Variants in MCM4 observed in about 807,000 individuals in gnomAD.
MCM4 encodes the protein DNA replication licensing factor MCM4.
In MCM4, 60 loss-of-function variants were observed where a neutral mutation model predicts 88.7. The ratio of observed to expected loss-of-function variants is 0.68; its 90% CI spans 0.55 to 0.84. MCM4 has a LOEUF of 0.84. Among genes scored for constraint, MCM4 ranks in the 40% least tolerant of loss-of-function variants. The pLI, the probability that MCM4 is intolerant of heterozygous loss-of-function variation, is 0.00. For missense variants in MCM4, 1,149 were observed against 1,105.5 expected (o/e 1.04, Z -0.56); for synonymous variants, 465 against 410.5 (o/e 1.13, Z -1.61).
intron 16 of MCM4, 62 bp downstream of exon 16, chr8:47,975,910 T>G: frequency 5.6e-6 from 7 of 1,249,260 alleles, no homozygotes; most frequent in Non-Finnish European, 7.4e-6. Flanking sequence ...ATATTGCTTT[T>G]GGGTTTTTTT....
Position 47,964,590 on chromosome 8 carries a change from T to A in MCM4, c.710T>A (p.Phe237Tyr), listed in dbSNP as rs1298972920. 1.3e-6 allele frequency: 2 copies of A among 1,594,974 alleles called. No individual in the cohort carries two copies. The highest frequency in any genetic ancestry group is 1.7e-6 in the Non-Finnish European group (2 of 1,175,152). ...TTTTTACAGGAAGTTATTCCAACTT[T>A]TGACATGGCTGTCAATGAAATCTTC... ...ISYPQEVIPT[F>Y]DMAVNEIFFD... Residue 237 changes from phenylalanine (F) to tyrosine (Y), a missense_variant, in exon 8 of 17, where the codon TTT (phenylalanine) becomes TAT (tyrosine). Transcript: ENST00000649973.
rs17287598 is a variant in MCM4, at chr8:47,965,145, G to T, written c.832+433G>T. 2.9e-3 allele frequency among the ~76,000 whole-genome samples: 440 copies of T among 152,174 alleles called. 2 individuals are homozygous for T. Among genetic ancestry groups the T allele is most frequent in the African/African-American group, 0.01 (431 of 41,484 alleles). On this transcript the variant is annotated intron_variant, in intron 8 of 16. Coordinates refer to ENST00000649973, the MANE Select transcript of MCM4 (RefSeq NM_182746.3). ...CAGGAGAAACGCTTGAACCCGGGAG[G>T]CGGAGGTTGCACTGAGCAGAGGCTG...
At chr8:47,975,188 T>G (rs1472523450) in intron 15 of MCM4, 2 of 452,284 alleles carry the variant, frequency 4.4e-6, no homozygotes, top group Non-Finnish European at 7.9e-6. Context: ...TTTTGTTTTT[T>G]TTTTTTATAC....
Position 47,970,632 on chromosome 8 carries a change from TG to T in MCM4, c.1557del (p.Leu520CysfsTer28), listed in dbSNP as rs1563834379. The T allele has an allele frequency of 6.2e-7, 1 of 1,614,154 alleles. No homozygotes were observed. The highest frequency in any genetic ancestry group is 1.7e-5 in the Admixed American group (1 of 60,012). ...CGDPGTSKSQ[L>X]LQYVYNLVPR... The stretch of plus-strand genomic sequence containing the variant: ...GACCCTGGTACCAGCAAGTCCCAGC[TG>T]CTGCAGTACGTGTACAACCTCGTCC... On this transcript the variant is annotated frameshift_variant, in exon 12 of 17. Coordinates refer to ENST00000649973, the MANE Select transcript of MCM4 (RefSeq NM_182746.3). LOFTEE classifies it high-confidence loss of function.
At chr8:47,976,008 A>G (rs1455055533) in intron 16 of MCM4, among the ~76,000 whole-genome samples, 160 bp downstream of exon 16, 1 of 152,158 alleles carries the variant, frequency 6.6e-6, no homozygotes, top group African/African-American at 2.4e-5. Context: ...TCACAATTAA[A>G]ATTTTTGGCT....
chr8:47,970,988 G>C (rs2090948669), intron 12 of MCM4, 112 bp downstream of exon 12: 1 of 1,281,064 alleles, frequency 7.8e-7, no homozygotes, highest in Non-Finnish European at 1.1e-6. Context: ...TGGGGAGATT[G>C]ATAAGTGCTT....
rs1252588219 is a variant in MCM4, at chr8:47,971,333, T to C, written c.1801-8T>C. ...AGAGGCTTCTAACTGCACTCTTTGC[T>C]CTGATAGGCTGGGATCATCTGTCAG... On this transcript the variant is annotated splice_region_variant and splice_polypyrimidine_tract_variant and intron_variant, in intron 12 of 16. Coordinates refer to ENST00000649973, the MANE Select transcript of MCM4 (RefSeq NM_182746.3). The C allele has an allele frequency of 6.2e-7, 1 of 1,614,128 alleles. No homozygotes were observed. Among genetic ancestry groups the C allele is most frequent in the Non-Finnish European group, 8.5e-7 (1 of 1,180,010 alleles).
chr8:47,974,563 G>A (rs146759506), intron 14 of MCM4, 171 bp from the exon 15 acceptor site: 7 of 629,228 alleles, frequency 1.1e-5, no homozygotes, highest in African/African-American at 3.6e-5. Context: ...CTTCACCTGC[G>A]ATTTCTGTGG....
In MCM4 at chr8:47,976,642, G is replaced by T. The variant is rs373446724; in HGVS notation, c.2500-44G>T. 47 of 1,340,326 alleles carry T rather than the reference G, an allele frequency of 3.5e-5. No individual in the cohort carries two copies. In the African/African-American group the frequency reaches 5.6e-4, roughly 16 times the overall value. The allele number at this position is 1,340,326 out of a possible 1,614,324, so 83.0% of individuals were successfully genotyped here. A position where few individuals can be genotyped will look rare whatever the true frequency, so the allele number is the denominator to read the frequency against. On this transcript the variant is annotated intron_variant, in intron 16 of 16. Coordinates refer to ENST00000649973, the MANE Select transcript of MCM4 (RefSeq NM_182746.3). Reference sequence around the variant, plus strand: ...ATTGTGTTTCTAACAGGTAAAGGAGGGACTTGACGTGTACAATATTTATTT... The same window carrying T: ...ATTGTGTTTCTAACAGGTAAAGGAGTGACTTGACGTGTACAATATTTATTT...
rs754456119 is a variant in MCM4, at chr8:47,962,112, G to T, written c.295G>T (p.Val99Leu). The T allele has an allele frequency of 6.2e-7, 1 of 1,614,064 alleles. No homozygotes were observed. Among genetic ancestry groups the T allele is most frequent in the Non-Finnish European group, 8.5e-7 (1 of 1,180,038 alleles). ...PLTYGTPSSR[V>L]EGTPRSGVRG... Reference sequence around the variant, plus strand: ...GACATACGGCACTCCCAGCTCTCGGGTAGAGGGAACCCCAAGAAGTGGTGT... The same window carrying T: ...GACATACGGCACTCCCAGCTCTCGGTTAGAGGGAACCCCAAGAAGTGGTGT... The change falls in exon 4 of 17, where the codon GTA (valine) becomes TTA (leucine). Residue 99 changes from valine (V) to leucine (L), a missense_variant. Coordinates refer to ENST00000649973, the MANE Select transcript of MCM4 (RefSeq NM_182746.3).
Position 47,971,364 on chromosome 8 carries a change from T to G in MCM4, c.1824T>G (p.Asn608Lys). ...AGGCTGGGATCATCTGTCAGCTCAA[T>G]GCGCGCACCTCTGTCCTGGCAGCAG... is the stretch of plus-strand genomic sequence containing the variant. ...IAKAGIICQL[N>K]ARTSVLAAAN... Residue 608 changes from asparagine (N) to lysine (K), a missense_variant, in exon 13 of 17, where the codon AAT becomes AAG. Transcript: ENST00000649973. 1 of 1,614,136 alleles carries G rather than the reference T, an allele frequency of 6.2e-7. No homozygotes were observed. Among genetic ancestry groups the G allele is most frequent in the Non-Finnish European group, 8.5e-7 (1 of 1,180,028 alleles).
rs762352509 is a variant in MCM4 at position 47,974,791 on chromosome 8, C to G, written c.2194C>G (p.Arg732Gly). Residue 732 changes from arginine (R) to glycine (G), a missense_variant, in exon 15 of 17, where the codon CGA becomes GGA. Physicochemically the swap from Arg to Gly is moderately radical, Grantham distance 125. Around this residue, in one of 3 missense-constraint regions of MCM4, gnomAD observed 238 missense variants for 241.6 expected, o/e 0.99. Transcript: ENST00000649973. ...CCGGGGAATGGTTTCTGCATACCCT[C>G]GACAGCTAGAGTCATTAATCCGCTT... ...SSRGMVSAYPRQLESLIRLAE... is the reference protein window; with the variant it reads ...SSRGMVSAYPGQLESLIRLAE... 2 of 1,614,194 alleles carry G rather than the reference C, an allele frequency of 1.2e-6. No homozygotes were observed. Among genetic ancestry groups the G allele is most frequent in the Non-Finnish European group, 8.5e-7 (1 of 1,180,038 alleles).
rs146759506 is a variant in MCM4, at chr8:47,974,563, G to C, written c.2137-171G>C. On this transcript the variant is annotated intron_variant, in intron 14 of 16. Transcript: ENST00000649973. ...GCTGCACGTTGATGTCTTCACCTGC[G>C]ATTTCTGTGGTCTGTCTGTGTAGTC... 514 of 629,346 alleles carry C rather than the reference G, an allele frequency of 8.2e-4. 1 individual carries two copies. Among genetic ancestry groups the C allele is most frequent in the Non-Finnish European group, 1.3e-3 (470 of 348,788 alleles). The allele number at this position is 629,346 out of a possible 1,614,324, so 39.0% of individuals were successfully genotyped here.
intron 14 of MCM4, 91 bp from the exon 15 acceptor site, chr8:47,974,643 A>T: frequency 1.0e-6 from 1 of 962,126 alleles, no homozygotes; most frequent in Non-Finnish European, 1.6e-6. Flanking sequence ...CCGTTTACTT[A>T]ATGGAAGCCT....
chr8:47,970,159 G>T, intron 11 of MCM4, 102 bp downstream of exon 11: 2 of 1,372,116 alleles, frequency 1.5e-6, no homozygotes, highest in Non-Finnish European at 2.0e-6. Context: ...ATAAAGGACA[G>T]AGTTGTGGCC....
At chr8:47,972,569 T>G (rs1053706447) in intron 13 of MCM4, among the ~76,000 whole-genome samples, 2 of 152,172 alleles carry the variant, frequency 1.3e-5, no homozygotes, top group African/African-American at 4.8e-5. Context: ...TTTTGTTTGT[T>G]TTTTTGAGAC....
At chr8:47,971,241 G>T in intron 12 of MCM4, 100 bp from the exon 13 acceptor site, 1 of 1,399,032 alleles carries the variant, frequency 7.1e-7, no homozygotes, top group East Asian at 2.3e-5. Context: ...TAGAAACTCA[G>T]TGGAGGGAAT....
At chr8:47,966,428 C>G (rs778792632) in intron 9 of MCM4, 21 bp downstream of exon 9, 32 of 1,586,388 alleles carry the variant, frequency 2.0e-5, no homozygotes, top group Non-Finnish European at 2.7e-5. Flanking sequence ...ACCCTGGCCC[C>G]CCAGGCTATG....
chr8:47,970,381 C>G, intron 11 of MCM4, 130 bp from the exon 12 acceptor site: 1 of 1,209,086 alleles, frequency 8.3e-7, no homozygotes, highest in Non-Finnish European at 1.2e-6. Flanking sequence ...CTTTCACGAG[C>G]CTTTTTATAC....
Sources: gnomAD v4.1 joint callset for allele counts (sites outside exome capture counted in the v4.1 genomes callset) on GRCh38, gnomAD v4.1.1 for gene constraint, gnomAD v4.1.1 regional missense constraint, MANE v1.5 for transcripts, NCBI Gene and HGNC (gene_info 2026-07-23, HGNC 2026-07-21) for gene names.